Variants in TNRC18 observed in about 807,000 individuals in gnomAD.
TNRC18 encodes the protein trinucleotide repeat containing 18, also known as trinucleotide repeat-containing gene 18 protein.
In TNRC18, 69 loss-of-function variants were observed where a neutral mutation model predicts 226.7. The observed-to-expected ratio is 0.30, with a 90% CI of 0.25 to 0.37. The LOEUF (loss-of-function observed/expected upper bound fraction) is 0.37. TNRC18 is among the 10% of genes least tolerant of loss of function. The pLI is 1.00. For synonymous variants in TNRC18, 2,449 were observed against 1,927.6 expected (o/e 1.27, Z -7.09); for missense variants, 4,754 against 4,256.6 (o/e 1.12, Z -3.25).
At chr7:5,371,980 C>A (rs140585038) in intron 10 of TNRC18, among the ~76,000 whole-genome samples, 93 of 152,354 alleles carry the variant, frequency 6.1e-4, no homozygotes, top group African/African-American at 2.2e-3. Context: ...TCACTGCAAC[C>A]TGCACCTCTT....
In TNRC18 at chr7:5,389,245, G is replaced by A. The variant is rs745500601; in HGVS notation, c.579C>T (p.Gly193=). 5 of 1,321,354 alleles carry A rather than the reference G, an allele frequency of 3.8e-6. No homozygotes were observed. The highest frequency in any genetic ancestry group is 4.8e-6 in the Non-Finnish European group (5 of 1,037,156). The allele number at this position is 1,321,354 out of a possible 1,614,324, so 81.9% of individuals were successfully genotyped here. ...GCGACGACGAGCCTTTGGCCGGGGC[G>A]CCCGAGGAGTGGCCGCCGCCAGGGG... is the stretch of plus-strand genomic sequence containing the variant. ...ARTPGGGHSS[G]APAKGSSSRD... The change falls in exon 5 of 30, where the codon GGC becomes GGT. Residue 193 remains glycine, a synonymous_variant. Transcript: ENST00000430969.
At chr7:5,308,691 A>G (rs1431868724) in intron 29 of TNRC18, among the ~76,000 whole-genome samples, 184 bp downstream of exon 29, 8 of 152,184 alleles carry the variant, frequency 5.3e-5, no homozygotes, top group African/African-American at 9.7e-5. Flanking sequence ...ACCCAGAGAC[A>G]GACGCACAGA....
chr7:5,323,010 G>A (rs945251522), intron 21 of TNRC18, among the ~76,000 whole-genome samples: 5 of 152,118 alleles, frequency 3.3e-5, no homozygotes, highest in African/African-American at 9.7e-5. Flanking sequence ...AACAACACAC[G>A]CAGAGAGGAC....
rs1794428950 is a variant in TNRC18, at chr7:5,374,302, T to A, written c.2982A>T (p.Pro994=). Residue 994 remains proline (P), a synonymous_variant, in exon 10 of 30, where the codon CCA becomes CCT. Transcript: ENST00000430969. ...CAGCCACAGGGGATGCGCGGGGTGATGGTGGCGGGCTCACGGCCTTGCCGT... is the reference window on the plus strand; with the variant it reads ...CAGCCACAGGGGATGCGCGGGGTGAAGGTGGCGGGCTCACGGCCTTGCCGT... ...GTYGKAVSPP[P]SPRASPVAAL... 1.4e-6 allele frequency: 2 copies of A among 1,452,580 alleles called. No individual in the cohort carries two copies. The highest frequency in any genetic ancestry group is 3.0e-5 in the African/African-American group (2 of 67,362). The allele number at this position is 1,452,580 out of a possible 1,614,324, so 90.0% of individuals were successfully genotyped here.
chr7:5,418,413 ACC>A lies in TNRC18; in HGVS notation c.187+2645_187+2646del, dbSNP rs1389465354. 2.0e-5 allele frequency among the ~76,000 whole-genome samples: 3 copies of A among 152,298 alleles called. No individual in the cohort carries two copies. The East Asian group carries it at 5.8e-4, about 29-fold the overall frequency. ...AGGCAGAAACCAGCTCTTCCAGAGGACCTTCCACAGCAGATGGCTGTCAATAC... is the reference window on the plus strand; with the variant it reads ...AGGCAGAAACCAGCTCTTCCAGAGGATTCCACAGCAGATGGCTGTCAATAC... On this transcript the variant is annotated intron_variant, in intron 2 of 29. Transcript: ENST00000430969.
rs35794476 is a variant in TNRC18 at position 5,402,178 on chromosome 7, C to CAAAA, written c.188-7587_188-7584dup. Reference sequence around the variant, plus strand: ...TGGGCAACACAGCGAGACTCTGTCTCAAAAAAAAAAAAAAAAAAAAAAAGA... The same window carrying CAAAA: ...TGGGCAACACAGCGAGACTCTGTCTCAAAAAAAAAAAAAAAAAAAAAAAAAAAGA... On this transcript the variant is annotated intron_variant, in intron 2 of 29. Coordinates refer to ENST00000430969, the MANE Select transcript of TNRC18 (RefSeq NM_001080495.3). Among the ~76,000 whole-genome samples, 456 of 71,292 alleles carry CAAAA rather than the reference C, an allele frequency of 6.4e-3. 24 individuals carry two copies. The highest frequency in any genetic ancestry group is 0.027 in the African/African-American group (427 of 15,894). The allele number at this position is 71,292 out of a possible 152,430, so 46.8% of individuals were successfully genotyped here. A position where few individuals can be genotyped will look rare whatever the true frequency, so the allele number is the denominator to read the frequency against.
chr7:5,394,404 A>G lies in TNRC18; in HGVS notation c.343+36T>C. The G allele has an allele frequency of 6.7e-7, 1 of 1,484,980 alleles. No homozygotes were observed. The allele number at this position is 1,484,980 out of a possible 1,614,324, so 92.0% of individuals were successfully genotyped here. A position where few individuals can be genotyped will look rare whatever the true frequency, so the allele number is the denominator to read the frequency against. On this transcript the variant is annotated intron_variant, in intron 3 of 29. Coordinates refer to ENST00000430969, the MANE Select transcript of TNRC18 (RefSeq NM_001080495.3). This position sits in a 1 kb window ranked among gnomAD's most constrained non-coding sequence, Gnocchi z 4.5. ...GCCAGAGTGGCTGGGACGTCAGCCCAGCAGCCCTCAGCCCCGACCCCGGCA... is the reference window on the plus strand; with the variant it reads ...GCCAGAGTGGCTGGGACGTCAGCCCGGCAGCCCTCAGCCCCGACCCCGGCA...
At chr7:5,357,345 G>C in intron 15 of TNRC18, 69 bp from the exon 16 acceptor site, 1 of 1,482,622 alleles carries the variant, frequency 6.7e-7, no homozygotes, top group Non-Finnish European at 9.1e-7. Context: ...CAGTGCACAT[G>C]CTCTGCCCAG....
chr7:5,308,970 G>A (rs1786906662), intron 28 of TNRC18, 21 bp from the exon 29 acceptor site: 3 of 1,592,162 alleles, frequency 1.9e-6, no homozygotes, highest in African/African-American at 1.3e-5. Context: ...GAGAGAGGAG[G>A]GGCTTGGGTG....
chr7:5,391,856 T>A (rs1780327222), intron 3 of TNRC18, among the ~76,000 whole-genome samples: 1 of 129,398 alleles, frequency 7.7e-6, no homozygotes, highest in Admixed American at 8.2e-5. Flanking sequence ...AAAAAAAATT[T>A]AAATAGTTTT....
chr7:5,320,731 G>C, intron 22 of TNRC18, 124 bp from the exon 23 acceptor site: 1 of 809,670 alleles, frequency 1.2e-6, no homozygotes. Flanking sequence ...GAGGTTTGCT[G>C]ACTTGCTGAA....
chr7:5,333,169 C>T (rs1789734757), intron 18 of TNRC18, 120 bp from the exon 19 acceptor site: 8 of 1,174,780 alleles, frequency 6.8e-6, no homozygotes, highest in Non-Finnish European at 9.7e-6. Context: ...GCGCTTCTGC[C>T]CGTTTCCAGG....
chr7:5,345,517 G>GGGGGGGCCCACCCCCCCCCCCC, intron 18 of TNRC18, 45 bp downstream of exon 18: 1 of 377,744 alleles, frequency 2.6e-6, no homozygotes, highest in Non-Finnish European at 4.8e-6. Flanking sequence ...AATGGCGTCC[G>GGGGGGGCCCACCCCCCCCCCCC]CCCCTCCCAC....
chr7:5,389,471 T>TTTTTTTTTTTTCCC (rs549108764), intron 4 of TNRC18, 135 bp from the exon 5 acceptor site: 2 of 831,196 alleles, frequency 2.4e-6, no homozygotes, highest in African/African-American at 3.9e-5. Flanking sequence ...GTTTTTTTTT[T>TTTTTTTTTTTTCCC]CAGAAAGAGT....
At chr7:5,325,417 G>A (rs1365401033) in intron 19 of TNRC18, 169 bp from the exon 20 acceptor site, 1 of 735,982 alleles carries the variant, frequency 1.4e-6, no homozygotes, top group African/African-American at 2.0e-5. Context: ...TTTGGTTTTG[G>A]GTTTTTTTTT....
chr7:5,392,990 C>T (rs577603079), intron 3 of TNRC18, among the ~76,000 whole-genome samples: 11 of 152,260 alleles, frequency 7.2e-5, no homozygotes, highest in East Asian at 3.9e-4. Context: ...CCAGTCTGGG[C>T]GACAGAGCAA....
Position 5,387,746 on chromosome 7 carries a change from T to C in TNRC18, c.2078A>G (p.Asp693Gly). 1.2e-6 allele frequency: 2 copies of C among 1,607,410 alleles called. No homozygotes were observed. The highest frequency in any genetic ancestry group is 1.3e-5 in the African/African-American group (1 of 75,036). ...GIAVAVARQKDSGGSGRLGPG... is the reference protein window; with the variant it reads ...GIAVAVARQKGSGGSGRLGPG... ...CCCCAGCCGGCCACTGCCGCCACTG[T>C]CCTTCTGCCGGGCCACAGCCACTGC... The change falls in exon 5 of 30, where the codon GAC (aspartate) becomes GGC (glycine). Residue 693 changes from aspartate to glycine, a missense_variant. Asp to Gly is a moderately conservative substitution (Grantham distance 94). Transcript: ENST00000430969.
Position 5,377,316 on chromosome 7 carries a change from G to GCCCCCCC in TNRC18, c.2461+54_2461+55insGGGGGGG. 2.2e-6 allele frequency: 1 copy of GCCCCCCC among 453,408 alleles called. No individual in the cohort carries two copies. Among genetic ancestry groups the GCCCCCCC allele is most frequent in the Non-Finnish European group, 4.2e-6 (1 of 240,310 alleles). 28.1% of individuals were successfully genotyped at this position (453,408 alleles called of 1,614,324 possible). A position where few individuals can be genotyped will look rare whatever the true frequency, so the allele number is the denominator to read the frequency against. ...AGCCCTGAGCTCTTGTCCTGCACCC[G>GCCCCCCC]CCCCCTCCCACCCCTCCCTCAGAGA... On this transcript the variant is annotated intron_variant, in intron 7 of 29. Transcript: ENST00000430969. This position sits in a 1 kb window ranked among gnomAD's most constrained non-coding sequence, Gnocchi z 5.8.
At chr7:5,355,334 GAGCTCAAT>G (rs1792244800) in intron 16 of TNRC18, among the ~76,000 whole-genome samples, 1 of 152,194 alleles carries the variant, frequency 6.6e-6, no homozygotes, top group East Asian at 1.9e-4. Flanking sequence ...TCCATTTCAA[GAGCTCAAT>G]AGCAGCTAGG....
Sources: gnomAD v4.1 joint callset for allele counts (sites outside exome capture counted in the v4.1 genomes callset) on GRCh38, gnomAD v4.1.1 for gene constraint, Gnocchi (gnomAD v3.1) non-coding constraint, MANE v1.5 for transcripts, NCBI Gene and HGNC (gene_info 2026-07-23, HGNC 2026-07-21) for gene names.